Variants in CHGA observed in about 807,000 individuals in gnomAD.
CHGA encodes chromogranin-A.
A neutral mutation model predicts 54.4 loss-of-function variants in CHGA; 41 were observed. The ratio of observed to expected loss-of-function variants is 0.75; its 90% confidence interval spans 0.59 to 0.98. The LOEUF is 0.98. Among genes scored for constraint, CHGA ranks in the 50% least tolerant of loss-of-function variants. The pLI, the probability that CHGA is intolerant of heterozygous loss-of-function variation, is 0.00. For synonymous variants in CHGA, 249 were observed against 232.8 expected (o/e 1.07, Z -0.63); for missense variants, 576 against 582.3 (o/e 0.99, Z 0.11).
In CHGA at chr14:92,932,364, C is replaced by A. The variant is rs1887018751; in HGVS notation, c.809-6C>A. ...TTCTCCTGCTCTTGCCCACCACCTG[C>A]TCCAGGTCGGTCGGAGGCTCTGGCT... On this transcript the variant is annotated splice_region_variant and splice_polypyrimidine_tract_variant and intron_variant, in intron 6 of 7. Transcript: ENST00000216492. This position sits in a 1 kb window ranked among gnomAD's most constrained non-coding sequence, Gnocchi z 5.3. 1 of 1,575,738 alleles carries A rather than the reference C, an allele frequency of 6.3e-7. No individual in the cohort carries two copies. The highest frequency in any genetic ancestry group is 8.6e-7 in the Non-Finnish European group (1 of 1,161,042).
chr14:92,930,975 G>C (rs1199127224), intron 5 of CHGA, among the ~76,000 whole-genome samples: 1 of 152,160 alleles, frequency 6.6e-6, no homozygotes, highest in Non-Finnish European at 1.5e-5. Flanking sequence ...TTCAGTTCAG[G>C]CTTTATCTCC....
In CHGA at chr14:92,923,325, C is replaced by T; in HGVS notation, c.-35C>T. 7.6e-7 allele frequency: 1 copy of T among 1,322,130 alleles called. No homozygotes were observed. The highest frequency in any genetic ancestry group is 9.6e-7 in the Non-Finnish European group (1 of 1,038,496). The allele number at this position is 1,322,130 out of a possible 1,614,324, so 81.9% of individuals were successfully genotyped here. A position where few individuals can be genotyped will look rare whatever the true frequency, so the allele number is the denominator to read the frequency against. On this transcript the variant is annotated 5_prime_UTR_variant, in exon 1 of 8. Coordinates refer to ENST00000216492, the MANE Select transcript of CHGA (RefSeq NM_001275.4). ...CTCGCCCGGTGCCTAGGTGCCCGGCCCCACACCGCCAGCTGCTCGGCGCCC... is the reference window on the plus strand; with the variant it reads ...CTCGCCCGGTGCCTAGGTGCCCGGCTCCACACCGCCAGCTGCTCGGCGCCC...
At chr14:92,930,751 G>C (rs746592047) in intron 5 of CHGA, among the ~76,000 whole-genome samples, 1 of 152,166 alleles carries the variant, frequency 6.6e-6, no homozygotes, top group Non-Finnish European at 1.5e-5. Context: ...TTCTAATGAC[G>C]GGAGGAATTT....
chr14:92,932,937 T>C lies in CHGA; in HGVS notation c.1290+86T>C. ...CCCAGACACACTGCCCCTGCCCCAC[T>C]GAGGGGACAGGGCCCCCCCGCCGAA... On this transcript the variant is annotated intron_variant, in intron 7 of 7. Coordinates refer to ENST00000216492, the MANE Select transcript of CHGA (RefSeq NM_001275.4). The surrounding 1 kb of genome is among the most constrained non-coding windows in gnomAD (Gnocchi z 5.3). 4 of 1,432,620 alleles carry C rather than the reference T, an allele frequency of 2.8e-6. No homozygotes were observed. Among genetic ancestry groups the C allele is most frequent in the Non-Finnish European group, 3.7e-6 (4 of 1,088,166 alleles). 88.7% of individuals were successfully genotyped at this position (1,432,620 alleles called of 1,614,324 possible).
In CHGA at chr14:92,931,272, C is replaced by A; in HGVS notation, c.378C>A (p.Ser126=). The part of the protein sequence containing the change: ...ELKEAVEEPS[S]KDVMEKREDS... ...CAGAGGCGGTGGAAGAGCCATCATC[C>A]AAGGATGTTATGGAGAAAAGAGAGG... Residue 126 remains serine, a synonymous_variant, in exon 6 of 8, where the codon TCC becomes TCA. Coordinates refer to ENST00000216492, the MANE Select transcript of CHGA (RefSeq NM_001275.4). 6.2e-7 allele frequency: 1 copy of A among 1,612,442 alleles called. No individual in the cohort carries two copies. The highest frequency in any genetic ancestry group is 8.5e-7 in the Non-Finnish European group (1 of 1,179,054).
chr14:92,927,416 A>T, intron 3 of CHGA, 134 bp from the exon 4 acceptor site: 2 of 683,474 alleles, frequency 2.9e-6, no homozygotes, highest in Non-Finnish European at 2.6e-6. Context: ...TTATCTGAAG[A>T]CCCAATCTTG....
rs766260867 is a variant in CHGA, at chr14:92,929,704, T to G, written c.257-13T>G. The stretch of plus-strand genomic sequence containing the variant: ...GCACCCAATGGGACTTTTCCCTCCT[T>G]TTCTCATACCAGGCGCCAAGGAGAG... On this transcript the variant is annotated splice_polypyrimidine_tract_variant and intron_variant, in intron 4 of 7. Transcript: ENST00000216492. 6.2e-7 allele frequency: 1 copy of G among 1,613,284 alleles called. No homozygotes were observed. The highest frequency in any genetic ancestry group is 1.1e-5 in the South Asian group (1 of 90,950).
In CHGA at chr14:92,932,035, G is replaced by T; in HGVS notation, c.808+333G>T. On this transcript the variant is annotated intron_variant, in intron 6 of 7. Transcript: ENST00000216492. This position sits in a 1 kb window ranked among gnomAD's most constrained non-coding sequence, Gnocchi z 5.3. Reference sequence around the variant, plus strand: ...GGCTTTGGGAACAGAGACCATGGCAGGAGCGCACAGGCTGATCTGGGAACA... The same window carrying T: ...GGCTTTGGGAACAGAGACCATGGCATGAGCGCACAGGCTGATCTGGGAACA... 2.2e-6 allele frequency: 1 copy of T among 449,820 alleles called. No homozygotes were observed. The highest frequency in any genetic ancestry group is 3.9e-6 in the Non-Finnish European group (1 of 255,270). The allele number at this position is 449,820 out of a possible 1,614,324, so 27.9% of individuals were successfully genotyped here. A position where few individuals can be genotyped will look rare whatever the true frequency, so the allele number is the denominator to read the frequency against.
chr14:92,931,240 G>A lies in CHGA; in HGVS notation c.356-10G>A. 1 of 1,602,076 alleles carries A rather than the reference G, an allele frequency of 6.2e-7. No homozygotes were observed. Among genetic ancestry groups the A allele is most frequent in the Non-Finnish European group, 8.5e-7 (1 of 1,171,800 alleles). ...CCTCAGGGCCTGACTTGGCTGTGCTGTGTCTGCAGAGGCGGTGGAAGAGCC... is the reference window on the plus strand; with the variant it reads ...CCTCAGGGCCTGACTTGGCTGTGCTATGTCTGCAGAGGCGGTGGAAGAGCC... On this transcript the variant is annotated splice_polypyrimidine_tract_variant and intron_variant, in intron 5 of 7. Transcript: ENST00000216492.
rs1887010493 is a variant in CHGA at position 92,932,064 on chromosome 14, T to C, written c.809-306T>C. On this transcript the variant is annotated intron_variant, in intron 6 of 7. Transcript: ENST00000216492. This position sits in a 1 kb window ranked among gnomAD's most constrained non-coding sequence, Gnocchi z 5.3. ...CGCACAGGCTGATCTGGGAACAGTG[T>C]CAGCTTCAACTACGGTTTAGGAGAG... The C allele has an allele frequency of 2.2e-6, 1 of 447,306 alleles. No homozygotes were observed. Among genetic ancestry groups the C allele is most frequent in the African/African-American group, 2.0e-5 (1 of 51,082 alleles). 27.7% of individuals were successfully genotyped at this position (447,306 alleles called of 1,614,324 possible).
rs146668892 is a variant in CHGA, at chr14:92,930,522, C to T, written c.355+707C>T. Among the ~76,000 whole-genome samples the T allele has an allele frequency of 1.8e-3, 279 of 152,312 alleles. 1 individual carries two copies. Among genetic ancestry groups the T allele is most frequent in the African/African-American group, 6.3e-3 (260 of 41,568 alleles). ...GTTGAAGCTTTAATGAGGCAGGCAG[C>T]CATGTGTCAGTGCAAAGAGATCCCG... is the stretch of plus-strand genomic sequence containing the variant. On this transcript the variant is annotated intron_variant, in intron 5 of 7. Transcript: ENST00000216492.
chr14:92,931,090 C>A (rs914045655), intron 5 of CHGA, among the ~76,000 whole-genome samples, 160 bp from the exon 6 acceptor site: 3 of 152,288 alleles, frequency 2.0e-5, no homozygotes, highest in African/African-American at 7.2e-5. Context: ...GTGCTCAGAT[C>A]AAGCCTGGAC....
chr14:92,930,220 CCA>C (rs1190964249), intron 5 of CHGA, among the ~76,000 whole-genome samples: 1 of 152,218 alleles, frequency 6.6e-6, no homozygotes, highest in Non-Finnish European at 1.5e-5. Context: ...TGCAGGAGGA[CCA>C]CAGACAGAGT....
chr14:92,931,780 T>C, intron 6 of CHGA, 78 bp downstream of exon 6: 2 of 1,366,272 alleles, frequency 1.5e-6, no homozygotes, highest in Non-Finnish European at 2.0e-6. Flanking sequence ...CTCCATAACC[T>C]CATTCCACCT....
intron 4 of CHGA, among the ~76,000 whole-genome samples, chr14:92,928,249 C>T (rs910746538): frequency 1.3e-5 from 2 of 152,156 alleles, no homozygotes; most frequent in Non-Finnish European, 2.9e-5. Context: ...CAGGGCTGGG[C>T]TTGTGTCTGG....
chr14:92,929,899 G>A (rs1259316905), intron 5 of CHGA, 84 bp downstream of exon 5: 1 of 1,055,294 alleles, frequency 9.5e-7, no homozygotes, highest in Non-Finnish European at 1.4e-6. Flanking sequence ...GGGTTCCAGT[G>A]AGTCGGGAGC....
chr14:92,923,178 A>G lies in CHGA; in HGVS notation c.-182A>G, dbSNP rs909175118. 74 of 415,088 alleles carry G rather than the reference A, an allele frequency of 1.8e-4. No individual in the cohort carries two copies. The highest frequency in any genetic ancestry group is 2.0e-4 in the Non-Finnish European group (50 of 254,484). 25.7% of individuals were successfully genotyped at this position (415,088 alleles called of 1,614,324 possible). ...ACCGCTCCTGCCACTGCAGTGCTCG[A>G]GCCCCGTGCAGGGGAGCTTGCGGGA... On this transcript the variant is annotated 5_prime_UTR_variant, in exon 1 of 8. Coordinates refer to ENST00000216492, the MANE Select transcript of CHGA (RefSeq NM_001275.4).
rs1886821712 is a variant in CHGA, at chr14:92,923,367, C to T, written c.8C>T (p.Ser3Phe). 5 of 1,307,920 alleles carry T rather than the reference C, an allele frequency of 3.8e-6. No individual in the cohort carries two copies. The highest frequency in any genetic ancestry group is 4.8e-6 in the Non-Finnish European group (5 of 1,033,140). 81.0% of individuals were successfully genotyped at this position (1,307,920 alleles called of 1,614,324 possible). A position where few individuals can be genotyped will look rare whatever the true frequency, so the allele number is the denominator to read the frequency against. Residue 3 changes from serine to phenylalanine, a missense_variant, in exon 1 of 8, where the codon TCC (serine) becomes TTC (phenylalanine). Physicochemically the swap from Ser to Phe is radical, Grantham distance 155 (BLOSUM62 -2). Coordinates refer to ENST00000216492, the MANE Select transcript of CHGA (RefSeq NM_001275.4). MR[S>F]AAVLALLLCA... ...TCGGCGCCCGGGTCCGCCATGCGCT[C>T]CGCCGCTGTCCTGGCTCTTCTGCTC...
At chr14:92,929,085 A>C (rs949481061) in intron 4 of CHGA, among the ~76,000 whole-genome samples, 2 of 152,236 alleles carry the variant, frequency 1.3e-5, no homozygotes, top group Non-Finnish European at 2.9e-5. Context: ...CATCAGGAAT[A>C]AGGCACAGGT....
Sources: allele counts gnomAD v4.1 joint callset (sites outside exome capture counted in the v4.1 genomes callset), GRCh38; gene constraint gnomAD v4.1.1; non-coding constraint Gnocchi (gnomAD v3.1); transcripts MANE v1.5; gene names NCBI Gene and HGNC (gene_info 2026-07-23, HGNC 2026-07-21).